The following ADGRB3 variants were observed in gnomAD, a reference collection of about 807,000 sequenced individuals.
ADGRB3 encodes the protein adhesion G protein-coupled receptor B3.
In ADGRB3, 37 loss-of-function variants were observed where a neutral mutation model predicts 193.4. The ratio of observed to expected loss-of-function variants is 0.19; its 90% CI spans 0.15 to 0.25. ADGRB3 has a LOEUF of 0.25. Ranked by LOEUF, ADGRB3 falls within the 10% of genes least tolerant of loss-of-function variation. ADGRB3 has a pLI of 1.00. For synonymous variants in ADGRB3, 690 were observed against 644.2 expected, an observed-to-expected ratio of 1.07 and a Z score of -1.08; for missense variants, 1,637 against 1,852.9, an observed-to-expected ratio of 0.88 and a Z score of 2.14.
At chr6:68,774,807 A>G (rs1230950468) in intron 3 of ADGRB3, among the ~76,000 whole-genome samples, 1 of 152,144 alleles carries the variant, frequency 6.6e-6, no homozygotes, top group African/African-American at 2.4e-5. Context: ...AGTTTAAAAC[A>G]GTAAGATTCT....
At chr6:69,197,702 G>A (rs891790681) in intron 17 of ADGRB3, among the ~76,000 whole-genome samples, 6 of 152,110 alleles carry the variant, frequency 3.9e-5, no homozygotes, top group African/African-American at 1.2e-4. Flanking sequence ...GTCAGATGTA[G>A]ATTAAACCTT....
At chr6:69,245,633 G>C (rs1360386582) in intron 20 of ADGRB3, among the ~76,000 whole-genome samples, 4 of 151,486 alleles carry the variant, frequency 2.6e-5, no homozygotes. Flanking sequence ...ACTTCATCCT[G>C]GGGCACTGTT....
intron 13 of ADGRB3, among the ~76,000 whole-genome samples, chr6:69,039,420 G>A (rs930785216): frequency 6.6e-6 from 1 of 152,064 alleles, no homozygotes; most frequent in African/African-American, 2.4e-5. Context: ...GTGGATAAGG[G>A]GAGGGCTACC....
chr6:69,061,424 G>A (rs1001632554), intron 15 of ADGRB3, among the ~76,000 whole-genome samples: 56 of 151,948 alleles, frequency 3.7e-4, no homozygotes, highest in African/African-American at 1.4e-3. Flanking sequence ...CACCGTATCA[G>A]AACTATATGA....
At chr6:68,945,441 C>G (rs1254271680) in intron 6 of ADGRB3, among the ~76,000 whole-genome samples, 1 of 152,014 alleles carries the variant, frequency 6.6e-6, no homozygotes, top group African/African-American at 2.4e-5. Flanking sequence ...CACAGGCAGG[C>G]AGACACACAC....
chr6:69,259,077 A>G (rs1308255428), intron 20 of ADGRB3, among the ~76,000 whole-genome samples: 2 of 152,218 alleles, frequency 1.3e-5, no homozygotes, highest in Non-Finnish European at 2.9e-5. Flanking sequence ...TATGAAGATT[A>G]ATATTAAACA....
At chr6:68,799,914 G>A (rs146962759) in intron 3 of ADGRB3, among the ~76,000 whole-genome samples, 482 of 152,246 alleles carry the variant, frequency 3.2e-3, no homozygotes, top group Non-Finnish European at 3.2e-3. Context: ...GTTTCAGAGA[G>A]GTAGGAAGTG....
chr6:68,849,922 T>C (rs1039495381), intron 3 of ADGRB3, among the ~76,000 whole-genome samples: 2 of 151,590 alleles, frequency 1.3e-5, no homozygotes, highest in Non-Finnish European at 3.0e-5. Flanking sequence ...AAAAATCTTT[T>C]ACAATAGAAT....
intron 17 of ADGRB3, among the ~76,000 whole-genome samples, chr6:69,225,388 A>G (rs1168086578): frequency 1.7e-4 from 26 of 152,102 alleles, no homozygotes; most frequent in Non-Finnish European, 1.5e-4. Context: ...ATTAATTACT[A>G]GTTTTCTTTC....
intron 6 of ADGRB3, among the ~76,000 whole-genome samples, chr6:68,947,554 G>A (rs1767806166): frequency 6.6e-6 from 1 of 152,016 alleles, no homozygotes; most frequent in Non-Finnish European, 1.5e-5. Context: ...CATTTTCTAT[G>A]TCTGTTTCAT....
chr6:68,945,206 TA>T (rs1767742755), intron 6 of ADGRB3, among the ~76,000 whole-genome samples: 1 of 152,098 alleles, frequency 6.6e-6, no homozygotes, highest in Admixed American at 6.6e-5. Flanking sequence ...TGACTAGAAT[TA>T]AAGATGAAGG....
chr6:69,386,244 C>T (rs73475331), intron 31 of ADGRB3, among the ~76,000 whole-genome samples: 12,263 of 152,114 alleles, frequency 0.081, 1,549 homozygotes, highest in African/African-American at 0.27. Flanking sequence ...TTCACATATC[C>T]ATAACAGTTG....
At chr6:69,278,062 T>G (rs1767339965) in intron 20 of ADGRB3, among the ~76,000 whole-genome samples, 1 of 152,242 alleles carries the variant, frequency 6.6e-6, no homozygotes, top group African/African-American at 2.4e-5. Flanking sequence ...AAGGTGCTTT[T>G]CTTCTTATTG....
At chr6:68,979,956 G>A (rs1164646628) in intron 10 of ADGRB3, among the ~76,000 whole-genome samples, 2 of 151,356 alleles carry the variant, frequency 1.3e-5, no homozygotes, top group Non-Finnish European at 3.0e-5. Context: ...GCCCCTGTAG[G>A]TAGACAAATC....
intron 13 of ADGRB3, among the ~76,000 whole-genome samples, chr6:69,040,709 A>AAAAAAAAAAAAAAT (rs1771039002): frequency 1.7e-5 from 1 of 57,254 alleles, no homozygotes; most frequent in Non-Finnish European, 3.7e-5. Flanking sequence ...AAAAAAAAAA[A>AAAAAAAAAAAAAAT]CAAACAAGAA....
chr6:69,306,219 A>C (rs1432599034), intron 20 of ADGRB3, among the ~76,000 whole-genome samples: 1 of 151,528 alleles, frequency 6.6e-6, no homozygotes, highest in Non-Finnish European at 1.5e-5. Context: ...AATTTAGAAC[A>C]TGTCAACAAA....
At chr6:69,360,125 ATT>A (rs1178108286) in intron 28 of ADGRB3, among the ~76,000 whole-genome samples, 1 of 151,820 alleles carries the variant, frequency 6.6e-6, no homozygotes, top group Non-Finnish European at 1.5e-5. Context: ...CTAAATCATT[ATT>A]CTTAGGCTTA....
chr6:68,728,630 TG>T (rs1419100224), intron 3 of ADGRB3, among the ~76,000 whole-genome samples: 2 of 151,534 alleles, frequency 1.3e-5, no homozygotes, highest in Non-Finnish European at 3.0e-5. Flanking sequence ...TATATACAGA[TG>T]TAGATATAGA....
At position 69,248,059 on chromosome 6, in the gene ADGRB3, T is replaced by C. The variant is rs571653907; in HGVS notation, c.2814+8833T>C. Among the ~76,000 whole-genome samples, 3 of 152,236 alleles carry C rather than the reference T, an allele frequency of 2.0e-5. No homozygotes were observed. In the East Asian group the frequency reaches 5.8e-4, roughly 29 times the overall value. ...GATATCCAAAAGAGAATTTGAGAAATTGAGTGTCCTTCCAAGAGTCTCACA... is the reference window on the plus strand; with the variant it reads ...GATATCCAAAAGAGAATTTGAGAAACTGAGTGTCCTTCCAAGAGTCTCACA... On this transcript the variant is annotated intron_variant, in intron 20 of 31. Transcript: ENST00000370598.
Sources: allele counts gnomAD v4.1 joint callset (sites outside exome capture counted in the v4.1 genomes callset), GRCh38; gene constraint gnomAD v4.1.1; transcripts MANE v1.5; gene names NCBI Gene and HGNC (gene_info 2026-07-23, HGNC 2026-07-21).